SLC10A7: variants seen among roughly 807,000 people sequenced by gnomAD.
SLC10A7 encodes sodium/bile acid cotransporter 7.
In SLC10A7, 29 loss-of-function variants were observed where a neutral mutation model predicts 43.2. That is an observed-to-expected ratio of 0.67 (90% CI 0.50 to 0.92). SLC10A7 has a LOEUF of 0.92. Among genes scored for constraint, SLC10A7 ranks in the 40% least tolerant of loss-of-function variants. The pLI, the probability that SLC10A7 is intolerant of heterozygous loss-of-function variation, is 0.00. For missense variants in SLC10A7, 295 were observed against 403.2 expected (o/e 0.73, Z 2.30); for synonymous variants, 152 against 144.8 (o/e 1.05, Z -0.35).
At chr4:146,430,773 T>C (rs1054617171) in intron 5 of SLC10A7, among the ~76,000 whole-genome samples, 4 of 152,190 alleles carry the variant, frequency 2.6e-5, no homozygotes, top group African/African-American at 9.6e-5. Flanking sequence ...ATAACACTAG[T>C]TACTCTAGTT....
intron 6 of SLC10A7, among the ~76,000 whole-genome samples, chr4:146,320,052 A>G (rs1227813480): frequency 1.3e-5 from 2 of 152,068 alleles, no homozygotes; most frequent in East Asian, 1.9e-4. Flanking sequence ...ATATGAAAAA[A>G]GAGGCACTGG....
intron 5 of SLC10A7, among the ~76,000 whole-genome samples, chr4:146,420,714 T>C (rs1039661387): frequency 1.3e-5 from 2 of 152,030 alleles, no homozygotes; most frequent in Non-Finnish European, 2.9e-5. Context: ...GAAAATATCA[T>C]ATTTGGGGGC....
At chr4:146,299,905 G>A (rs1426351052) in intron 7 of SLC10A7, among the ~76,000 whole-genome samples, 2 of 152,234 alleles carry the variant, frequency 1.3e-5, no homozygotes, top group East Asian at 3.9e-4. Flanking sequence ...AAAATGGAGA[G>A]GTGAAGAAGC....
chr4:146,288,162 A>G (rs1402598799), intron 9 of SLC10A7, among the ~76,000 whole-genome samples: 2 of 152,210 alleles, frequency 1.3e-5, no homozygotes, highest in East Asian at 1.9e-4. Context: ...ACCTTAAGGC[A>G]TAAAAAGGGA....
chr4:146,391,480 C>G (rs988589940), intron 5 of SLC10A7, among the ~76,000 whole-genome samples: 19 of 152,210 alleles, frequency 1.2e-4, no homozygotes, highest in African/African-American at 4.6e-4. Flanking sequence ...CTTGAACTGT[C>G]TGACATAATT....
chr4:146,412,767 G>T (rs1247618322), intron 5 of SLC10A7, among the ~76,000 whole-genome samples: 1 of 152,022 alleles, frequency 6.6e-6, no homozygotes, highest in Non-Finnish European at 1.5e-5. Context: ...GCAGTTGGGG[G>T]AGAAGAACTA....
At chr4:146,360,618 G>T (rs974992179) in intron 5 of SLC10A7, among the ~76,000 whole-genome samples, 10 of 151,716 alleles carry the variant, frequency 6.6e-5, no homozygotes, top group African/African-American at 1.9e-4. Flanking sequence ...TTGTTTGTTT[G>T]TTTGTTTGTT....
intron 6 of SLC10A7, among the ~76,000 whole-genome samples, chr4:146,311,618 A>G (rs1378556843): frequency 6.6e-6 from 1 of 152,192 alleles, no homozygotes; most frequent in East Asian, 1.9e-4. Flanking sequence ...TACAGTTGAT[A>G]CTGTAGAATT....
rs1728046677 is a variant in SLC10A7 at position 146,258,915 on chromosome 4, G to C, written c.848-78C>G. ...TTAAATGCATACTCCATCAAAATCA[G>C]AACTTTGGAATAGGTTATTACCATA... On this transcript the variant is annotated intron_variant, in intron 10 of 11. Transcript: ENST00000335472. 3 of 1,466,662 alleles carry C rather than the reference G, an allele frequency of 2.0e-6. No individual in the cohort carries two copies. The Admixed American group carries it at 6.5e-5, about 32-fold the overall frequency. 90.9% of individuals were successfully genotyped at this position (1,466,662 alleles called of 1,614,324 possible). A position where few individuals can be genotyped will look rare whatever the true frequency, so the allele number is the denominator to read the frequency against.
intron 5 of SLC10A7, among the ~76,000 whole-genome samples, chr4:146,425,665 G>T (rs1278093445): frequency 6.6e-6 from 1 of 152,168 alleles, no homozygotes; most frequent in Admixed American, 6.5e-5. Flanking sequence ...GTCAATGTCA[G>T]CAGGACTTTA....
At chr4:146,497,416 C>CT (rs992138607) in intron 4 of SLC10A7, among the ~76,000 whole-genome samples, 1 of 152,074 alleles carries the variant, frequency 6.6e-6, no homozygotes, top group Non-Finnish European at 1.5e-5. Flanking sequence ...ACTCTTAATG[C>CT]TTTTTTCTTT....
chr4:146,371,687 T>C (rs985696352), intron 5 of SLC10A7, among the ~76,000 whole-genome samples: 5 of 152,190 alleles, frequency 3.3e-5, no homozygotes, highest in Non-Finnish European at 7.3e-5. Context: ...GCCTACCTGG[T>C]GCTTCTCTTC....
At chr4:146,489,472 T>C (rs541757041) in intron 4 of SLC10A7, among the ~76,000 whole-genome samples, 1 of 152,308 alleles carries the variant, frequency 6.6e-6, no homozygotes, top group East Asian at 1.9e-4. Flanking sequence ...ATTAAAGGAA[T>C]TAATATATGT....
intron 6 of SLC10A7, among the ~76,000 whole-genome samples, chr4:146,314,381 G>A (rs1301593070): frequency 6.6e-6 from 1 of 152,152 alleles, no homozygotes; most frequent in Non-Finnish European, 1.5e-5. Context: ...TAGAAACAGA[G>A]CCTGGTATGT....
intron 5 of SLC10A7, among the ~76,000 whole-genome samples, chr4:146,390,472 T>C (rs1738345583): frequency 6.6e-6 from 1 of 151,794 alleles, no homozygotes; most frequent in African/African-American, 2.4e-5. Context: ...CTACAAAAAA[T>C]ACAAAAAATT....
At chr4:146,260,214 T>C (rs1728138154) in intron 10 of SLC10A7, among the ~76,000 whole-genome samples, 1 of 152,178 alleles carries the variant, frequency 6.6e-6, no homozygotes, top group African/African-American at 2.4e-5. Context: ...AAAAAAAGCT[T>C]TAAAAATCTA....
At chr4:146,322,780 C>T (rs575629972) in intron 6 of SLC10A7, among the ~76,000 whole-genome samples, 37 of 152,128 alleles carry the variant, frequency 2.4e-4, no homozygotes, top group Admixed American at 1.1e-3. Flanking sequence ...AGTTCTAGAC[C>T]CTTGAGGAAT....
intron 5 of SLC10A7, among the ~76,000 whole-genome samples, chr4:146,406,493 A>C (rs1276581462): frequency 6.6e-6 from 1 of 152,164 alleles, no homozygotes; most frequent in East Asian, 1.9e-4. Flanking sequence ...CTTCATTGGT[A>C]CTTTGCATGG....
chr4:146,291,154 T>C (rs1364893441), intron 9 of SLC10A7, among the ~76,000 whole-genome samples: 1 of 152,238 alleles, frequency 6.6e-6, no homozygotes, highest in Non-Finnish European at 1.5e-5. Flanking sequence ...GTGGTTCTGA[T>C]GATCACTTTT....
Sources: gnomAD v4.1 joint callset for allele counts (sites outside exome capture counted in the v4.1 genomes callset) on GRCh38, gnomAD v4.1.1 for gene constraint, MANE v1.5 for transcripts, NCBI Gene and HGNC (gene_info 2026-07-23, HGNC 2026-07-21) for gene names.